Variants in IMPG1 observed in about 807,000 individuals in gnomAD.
IMPG1 encodes the protein interphotoreceptor matrix proteoglycan of 150 kDa.
Under a neutral mutation model 92.0 loss-of-function variants are expected in IMPG1, and 85 were observed. That is an observed-to-expected ratio of 0.92 (90% confidence interval 0.78 to 1.11). The LOEUF (loss-of-function observed/expected upper bound fraction) is 1.11. IMPG1 is among the 50% of genes least tolerant of loss of function. The pLI, the probability that IMPG1 is intolerant of heterozygous loss-of-function variation, is 0.00. For missense variants in IMPG1, 1,022 were observed against 956.0 expected, an observed-to-expected ratio of 1.07 and a Z score of -0.91; for synonymous variants, 367 against 334.1, an observed-to-expected ratio of 1.10 and a Z score of -1.08.
chr6:76,006,209 G>A (rs1926098), intron 9 of IMPG1, among the ~76,000 whole-genome samples: 73,788 of 151,490 alleles, frequency 0.49, 18,602 homozygotes, highest in Non-Finnish European at 0.56. Flanking sequence ...AAGTCATGCC[G>A]TGCCAATCAG....
chr6:76,034,455 C>A, intron 3 of IMPG1, 112 bp from the exon 4 acceptor site: 1 of 1,218,536 alleles, frequency 8.2e-7, no homozygotes, highest in Non-Finnish European at 1.2e-6. Context: ...CCTGACTGTA[C>A]CATATTATTT....
intron 1 of IMPG1, among the ~76,000 whole-genome samples, chr6:76,065,052 A>G (rs1478267566): frequency 1.3e-5 from 2 of 152,066 alleles, no homozygotes; most frequent in African/African-American, 4.8e-5. Context: ...TATAATGTAT[A>G]TACAACATAC....
intron 2 of IMPG1, among the ~76,000 whole-genome samples, chr6:76,041,015 T>C (rs1267524684): frequency 6.6e-6 from 1 of 152,192 alleles, no homozygotes; most frequent in South Asian, 2.1e-4. Flanking sequence ...GTGATCAAGA[T>C]AGAAATCAGT....
intron 7 of IMPG1, among the ~76,000 whole-genome samples, chr6:76,014,586 A>T (rs563134111): frequency 3.1e-4 from 47 of 152,208 alleles, no homozygotes; most frequent in Non-Finnish European, 5.3e-4. Flanking sequence ...CTATTTCAGT[A>T]ACAGCTCCAG....
chr6:75,970,060 A>G (rs1171668823), intron 12 of IMPG1, among the ~76,000 whole-genome samples: 2 of 152,208 alleles, frequency 1.3e-5, no homozygotes, highest in Non-Finnish European at 1.5e-5. Context: ...AGGATGGGAT[A>G]GAAGGATAGG....
chr6:76,046,839 T>C (rs1783952496), intron 1 of IMPG1, among the ~76,000 whole-genome samples: 10 of 152,224 alleles, frequency 6.6e-5, no homozygotes, highest in Admixed American at 6.5e-4. Context: ...GGTATCACTC[T>C]TCCTTTCCTT....
At chr6:75,997,897 T>A (rs1782927920) in intron 12 of IMPG1, among the ~76,000 whole-genome samples, 1 of 152,238 alleles carries the variant, frequency 6.6e-6, no homozygotes, top group Non-Finnish European at 1.5e-5. Flanking sequence ...GATGACTTTT[T>A]GCTGTGGAAT....
intron 6 of IMPG1, among the ~76,000 whole-genome samples, chr6:76,020,757 G>C (rs1468288239): frequency 6.6e-6 from 1 of 152,096 alleles, no homozygotes; most frequent in Non-Finnish European, 1.5e-5. Context: ...TCCTATCTAA[G>C]GGGTTTGGGG....
In IMPG1 at chr6:76,003,605, G is replaced by A. The variant is rs1198690647; in HGVS notation, c.1212+269C>T. Among the ~76,000 whole-genome samples, 5 of 152,000 alleles carry A rather than the reference G, an allele frequency of 3.3e-5. No individual in the cohort carries two copies. In the East Asian group the frequency reaches 7.7e-4, roughly 23 times the overall value. On this transcript the variant is annotated intron_variant, in intron 11 of 16. Transcript: ENST00000369950. ...ATTTGTTTGTTTTATTAAAAACAGAGCCCATCCTGATTCTAAATGAAACAA... is the reference window on the plus strand; with the variant it reads ...ATTTGTTTGTTTTATTAAAAACAGAACCCATCCTGATTCTAAATGAAACAA...
chr6:76,065,926 G>C (rs940818318), intron 1 of IMPG1, among the ~76,000 whole-genome samples: 3 of 152,036 alleles, frequency 2.0e-5, no homozygotes, highest in African/African-American at 4.8e-5. Context: ...CCTATTTTCA[G>C]ACTGCATAAA....
chr6:75,968,618 A>C (rs1782350772), intron 12 of IMPG1, among the ~76,000 whole-genome samples: 1 of 150,962 alleles, frequency 6.6e-6, no homozygotes, highest in Non-Finnish European at 1.5e-5. Context: ...ACTATTTTTC[A>C]CTTTTAGGGA....
At chr6:76,030,657 A>G in intron 4 of IMPG1, among the ~76,000 whole-genome samples, 1 of 151,910 alleles carries the variant, frequency 6.6e-6, no homozygotes, top group East Asian at 2.0e-4. Flanking sequence ...GACTCCAAAC[A>G]GTCATGCAAC....
At chr6:75,976,405 TACA>T (rs1390781398) in intron 12 of IMPG1, among the ~76,000 whole-genome samples, 1 of 151,928 alleles carries the variant, frequency 6.6e-6, no homozygotes, top group African/African-American at 2.4e-5. Flanking sequence ...CTACCAAAAA[TACA>T]ACAATTAGCC....
intron 11 of IMPG1, 84 bp downstream of exon 11, chr6:76,003,790 T>C (rs1562365894): frequency 9.6e-7 from 1 of 1,046,414 alleles, no homozygotes; most frequent in East Asian, 2.5e-5. Flanking sequence ...TTTTGCTCTG[T>C]TCATTTCTTA....
At chr6:76,063,988 G>GT (rs34532370) in intron 1 of IMPG1, among the ~76,000 whole-genome samples, 3,891 of 152,228 alleles carry the variant, frequency 0.026, 139 homozygotes, top group African/African-American at 0.086. Flanking sequence ...GAAGAGTATG[G>GT]TCCACCCCAG....
intron 1 of IMPG1, among the ~76,000 whole-genome samples, chr6:76,054,276 C>A (rs952345467): frequency 1.3e-5 from 2 of 151,950 alleles, no homozygotes; most frequent in African/African-American, 4.8e-5. Flanking sequence ...TGATCTAGTG[C>A]CACTCCATTC....
At chr6:75,928,726 T>G (rs1296244358) in intron 15 of IMPG1, 1 of 152,216 alleles carries the variant, frequency 6.6e-6, no homozygotes, top group African/African-American at 2.4e-5. Context: ...TAGTTGTGTA[T>G]CTATTCCACA....
intron 12 of IMPG1, among the ~76,000 whole-genome samples, chr6:75,956,369 C>T (rs530841086): frequency 6.6e-6 from 1 of 152,290 alleles, no homozygotes; most frequent in Admixed American, 6.5e-5. Flanking sequence ...TCTAGATTTT[C>T]TACTTTACTT....
rs192740356 is a variant in IMPG1, at chr6:75,959,884, C to T, written c.1292-8790G>A. On this transcript the variant is annotated intron_variant, in intron 12 of 16. Coordinates refer to ENST00000369950, the MANE Select transcript of IMPG1 (RefSeq NM_001563.4). Reference sequence around the variant, plus strand: ...TCCAGGGGAGTGAACAGTTCCCTCTCGCTGGCGTTCCAGGCAACACTTTGG... The same window carrying T: ...TCCAGGGGAGTGAACAGTTCCCTCTTGCTGGCGTTCCAGGCAACACTTTGG... Among the ~76,000 whole-genome samples, 29 of 152,224 alleles carry T rather than the reference C, an allele frequency of 1.9e-4. No individual in the cohort carries two copies. The East Asian group carries it at 3.9e-3, about 20-fold the overall frequency.
Sources: gnomAD v4.1 joint callset for allele counts (sites outside exome capture counted in the v4.1 genomes callset) on GRCh38, gnomAD v4.1.1 for gene constraint, MANE v1.5 for transcripts, NCBI Gene and HGNC (gene_info 2026-07-23, HGNC 2026-07-21) for gene names.